NR2C2: variants seen among roughly 807,000 people sequenced by gnomAD.
NR2C2 encodes nuclear receptor subfamily 2 group C member 2, also known as Nuclear hormone receptor TR4.
Under a neutral mutation model 62.9 loss-of-function variants are expected in NR2C2, and 6 were observed. The ratio of observed to expected loss-of-function variants is 0.10; its 90% CI spans 0.05 to 0.19. NR2C2 has a LOEUF of 0.19. Among genes scored for constraint, NR2C2 ranks in the 10% least tolerant of loss-of-function variants. The pLI, the probability that NR2C2 is intolerant of heterozygous loss-of-function variation, is 1.00. For missense variants in NR2C2, 479 were observed against 762.7 expected (o/e 0.63, Z 4.38); for synonymous variants, 272 against 273.8 (o/e 0.99, Z 0.07).
chr3:15,002,033 CA>C (rs2041017962), intron 1 of NR2C2, among the ~76,000 whole-genome samples: 1 of 152,172 alleles, frequency 6.6e-6, no homozygotes, highest in South Asian at 2.1e-4. Context: ...TATTTGCAAA[CA>C]GAGATAGTTT....
chr3:14,959,223 CTTTT>C (rs2039620398), intron 1 of NR2C2: 1 of 152,160 alleles, frequency 6.6e-6, no homozygotes, highest in African/African-American at 2.4e-5. Context: ...CTGATGTTAC[CTTTT>C]TTGTCTGGGT....
rs181443580 is a variant in NR2C2, at chr3:15,032,248, A to G, written c.1111-131A>G. ...GAGTCCGTGCAAGCCCCCCGACTGC[A>G]TGGGACTTCAGAATCAGACAGCAAC... On this transcript the variant is annotated intron_variant, in intron 9 of 13. Transcript: ENST00000425241. The G allele has an allele frequency of 2.9e-4, 370 of 1,267,358 alleles. No individual in the cohort carries two copies. The African/African-American group carries it at 3.4e-3, about 12-fold the overall frequency. The allele number at this position is 1,267,358 out of a possible 1,614,324, so 78.5% of individuals were successfully genotyped here.
intron 4 of NR2C2, 92 bp downstream of exon 4, chr3:15,016,346 C>T (rs1288604144): frequency 9.5e-6 from 8 of 843,112 alleles, no homozygotes; most frequent in Non-Finnish European, 1.6e-5. Context: ...TTAGAAGGAC[C>T]ATTTTATGTA....
intron 1 of NR2C2, among the ~76,000 whole-genome samples, chr3:14,966,742 A>G (rs2039869435): frequency 6.6e-6 from 1 of 152,202 alleles, no homozygotes; most frequent in African/African-American, 2.4e-5. Context: ...TACCAAGGTA[A>G]ACTACAAAAG....
intron 1 of NR2C2, among the ~76,000 whole-genome samples, chr3:14,973,605 A>G (rs2040114365): frequency 7.5e-6 from 1 of 133,902 alleles, no homozygotes; most frequent in Admixed American, 7.6e-5. Context: ...ATCCAGTTAT[A>G]CGGTATTGTA....
chr3:15,036,293 A>T (rs2042101110), intron 11 of NR2C2, among the ~76,000 whole-genome samples: 1 of 152,028 alleles, frequency 6.6e-6, no homozygotes, highest in Admixed American at 6.6e-5. Context: ...GTGAACAAAC[A>T]ACTTTTCTAG....
At chr3:14,970,260 G>T (rs1361741551) in intron 1 of NR2C2, among the ~76,000 whole-genome samples, 4 of 128,900 alleles carry the variant, frequency 3.1e-5, no homozygotes, top group African/African-American at 8.6e-5. Flanking sequence ...TCTTTTTTGG[G>T]GGCCGGGGGT....
chr3:15,024,597 A>T (rs2041770282), intron 7 of NR2C2, among the ~76,000 whole-genome samples: 1 of 152,232 alleles, frequency 6.6e-6, no homozygotes, highest in African/African-American at 2.4e-5. Flanking sequence ...CTTCAGGAGG[A>T]AGCTCAGCCA....
At chr3:15,032,529 C>T (rs1026759133) in intron 10 of NR2C2, 29 bp downstream of exon 10, 4 of 1,614,082 alleles carry the variant, frequency 2.5e-6, no homozygotes, top group Non-Finnish European at 3.4e-6. Flanking sequence ...TGCATGTATC[C>T]TCGGGCAGGA....
intron 1 of NR2C2, among the ~76,000 whole-genome samples, chr3:14,986,050 T>C (rs966176243): frequency 6.6e-6 from 1 of 152,180 alleles, no homozygotes; most frequent in Non-Finnish European, 1.5e-5. Context: ...GAGTACATAC[T>C]GTGAGAACCT....
At chr3:14,981,834 C>T (rs1423973888) in intron 1 of NR2C2, among the ~76,000 whole-genome samples, 1 of 152,066 alleles carries the variant, frequency 6.6e-6, no homozygotes, top group African/African-American at 2.4e-5. Context: ...GTTCGATGTT[C>T]GAGGGCAGGA....
Position 15,048,793 on chromosome 3 carries a change from A to G in NR2C2, c.*5785A>G, listed in dbSNP as rs547507611. On this transcript the variant is annotated 3_prime_UTR_variant, in exon 14 of 14. Coordinates refer to ENST00000425241, the MANE Select transcript of NR2C2 (RefSeq NM_001291694.2). ...AAAAGCTGCACATTTTTCACAGTAC[A>G]AGCCGTAGTTTTTACCTGTAGTTTG... 1 of 152,768 alleles carries G rather than the reference A, an allele frequency of 6.5e-6. No homozygotes were observed. Among genetic ancestry groups the G allele is most frequent in the East Asian group, 1.9e-4 (1 of 5,184 alleles). 9.5% of individuals were successfully genotyped at this position (152,768 alleles called of 1,614,324 possible).
At chr3:14,948,962 G>A (rs2039250316) in intron 1 of NR2C2, among the ~76,000 whole-genome samples, 1 of 152,184 alleles carries the variant, frequency 6.6e-6, no homozygotes, top group Admixed American at 6.5e-5. Context: ...TACTTTGCGA[G>A]CTTCAGAGTC....
chr3:14,969,285 A>C (rs181632468), intron 1 of NR2C2, among the ~76,000 whole-genome samples: 128 of 138,168 alleles, frequency 9.3e-4, no homozygotes, highest in African/African-American at 3.2e-3. Flanking sequence ...TCACTGTGTC[A>C]CCCAGGCTGG....
At chr3:15,022,865 A>G (rs2041715609) in intron 5 of NR2C2, among the ~76,000 whole-genome samples, 1 of 152,218 alleles carries the variant, frequency 6.6e-6, no homozygotes, top group Non-Finnish European at 1.5e-5. Context: ...TCTACAAAAA[A>G]TAATAAAATA....
rs71038450 is a variant in NR2C2, at chr3:15,022,398, C to CTT, written c.557-781_557-780dup. Among the ~76,000 whole-genome samples the CTT allele has an allele frequency of 9.3e-3, 824 of 89,078 alleles. 12 individuals are homozygous for CTT. Among genetic ancestry groups the CTT allele is most frequent in the Non-Finnish European group, 0.013 (582 of 45,312 alleles). The allele number at this position is 89,078 out of a possible 152,430, so 58.4% of individuals were successfully genotyped here. On this transcript the variant is annotated intron_variant, in intron 5 of 13. Coordinates refer to ENST00000425241, the MANE Select transcript of NR2C2 (RefSeq NM_001291694.2). ...GGGCATTTCTTTTTTCTTTTTCTTT[C>CTT]TTTTTTTTTTTTTTTTTTTTTTGAG... is the stretch of plus-strand genomic sequence containing the variant.
In NR2C2 at chr3:15,044,771, G is replaced by A. The variant is rs1426033451; in HGVS notation, c.*1763G>A. ...AGTCTGGCCAGCTACAGACGCCCCT[G>A]TGGTGCCACATTGGACAGAATGGAA... is the stretch of plus-strand genomic sequence containing the variant. On this transcript the variant is annotated 3_prime_UTR_variant, in exon 14 of 14. Transcript: ENST00000425241. 1.3e-5 allele frequency: 2 copies of A among 152,272 alleles called. No individual in the cohort carries two copies. The highest frequency in any genetic ancestry group is 1.5e-5 in the Non-Finnish European group (1 of 68,076). The allele number at this position is 152,272 out of a possible 1,614,324, so 9.4% of individuals were successfully genotyped here. A position where few individuals can be genotyped will look rare whatever the true frequency, so the allele number is the denominator to read the frequency against.
rs1277669982 is a variant in NR2C2, at chr3:15,030,472, C to T, written c.1110+20C>T. The T allele has an allele frequency of 2.5e-5, 38 of 1,550,708 alleles. No individual in the cohort carries two copies. The Admixed American group carries it at 8.1e-4, about 33-fold the overall frequency. On this transcript the variant is annotated intron_variant, in intron 9 of 13. Coordinates refer to ENST00000425241, the MANE Select transcript of NR2C2 (RefSeq NM_001291694.2). ...TTTAAGGTGAGTGAATTCAGCCTAA[C>T]CATGTGCCCCCAACCTGCTGGGGGA...
rs1230568442 is a variant in NR2C2 at position 15,042,817 on chromosome 3, G to A, written c.1617-17G>A. The A allele has an allele frequency of 1.2e-6, 2 of 1,610,092 alleles. No individual in the cohort carries two copies. Among genetic ancestry groups the A allele is most frequent in the African/African-American group, 2.7e-5 (2 of 74,808 alleles). ...GCATCAAACAGTCTCCTTTTCTAATGACACTCCCTTTTATAGATTGGCCCG... is the reference window on the plus strand; with the variant it reads ...GCATCAAACAGTCTCCTTTTCTAATAACACTCCCTTTTATAGATTGGCCCG... On this transcript the variant is annotated splice_polypyrimidine_tract_variant and intron_variant, in intron 13 of 13. Transcript: ENST00000425241.
Sources: gnomAD v4.1 joint callset for allele counts (sites outside exome capture counted in the v4.1 genomes callset) on GRCh38, gnomAD v4.1.1 for gene constraint, MANE v1.5 for transcripts, NCBI Gene and HGNC (gene_info 2026-07-23, HGNC 2026-07-21) for gene names.